AK5: variants seen among roughly 807,000 people sequenced by gnomAD.
AK5 encodes the protein adenylate kinase 5.
A neutral mutation model predicts 69.5 loss-of-function variants in AK5; 27 were observed. The ratio of observed to expected loss-of-function variants is 0.39; its 90% CI spans 0.29 to 0.54. AK5 has a LOEUF of 0.54. AK5 is among the 20% of genes least tolerant of loss of function. The probability of loss-of-function intolerance (pLI) is 0.71; values close to 1 mark genes in which losing one functional copy is unlikely to be tolerated. For synonymous variants in AK5, 260 were observed against 244.4 expected (o/e 1.06, Z -0.60); for missense variants, 531 against 700.4 (o/e 0.76, Z 2.73).
intron 8 of AK5, among the ~76,000 whole-genome samples, chr1:77,481,719 C>G (rs1396362457): frequency 1.3e-5 from 2 of 152,320 alleles, no homozygotes; most frequent in East Asian, 3.9e-4. Flanking sequence ...AATGGTACAA[C>G]CTCTGTGGGG....
chr1:77,341,680 A>G (rs1365605100), intron 6 of AK5, among the ~76,000 whole-genome samples: 2 of 152,178 alleles, frequency 1.3e-5, no homozygotes, highest in Non-Finnish European at 2.9e-5. Flanking sequence ...ATTTCTTTGC[A>G]ATCTTTTTAG....
At chr1:77,511,188 CTG>C (rs1657328035) in intron 10 of AK5, among the ~76,000 whole-genome samples, 1 of 152,072 alleles carries the variant, frequency 6.6e-6, no homozygotes, top group African/African-American at 2.4e-5. Context: ...CCAACAGTAA[CTG>C]CCTCATTTTA....
intron 6 of AK5, among the ~76,000 whole-genome samples, chr1:77,342,536 C>T (rs1166972594): frequency 3.9e-5 from 6 of 152,170 alleles, no homozygotes; most frequent in Non-Finnish European, 7.3e-5. Context: ...CTTCTAATTA[C>T]TGACAGAAAA....
chr1:77,348,573 G>A (rs1054014690), intron 6 of AK5, among the ~76,000 whole-genome samples: 1 of 152,088 alleles, frequency 6.6e-6, no homozygotes, highest in Non-Finnish European at 1.5e-5. Context: ...CTCTAGTTAA[G>A]GTCTGTGCTA....
intron 3 of AK5, among the ~76,000 whole-genome samples, chr1:77,296,270 G>A (rs2100659589): frequency 6.6e-6 from 1 of 152,166 alleles, no homozygotes; most frequent in South Asian, 2.1e-4. Context: ...TCTCTCTCAT[G>A]TTAACGTAAT....
intron 6 of AK5, among the ~76,000 whole-genome samples, chr1:77,380,554 A>G (rs1647558717): frequency 1.3e-5 from 2 of 152,200 alleles, no homozygotes; most frequent in African/African-American, 4.8e-5. Flanking sequence ...AACTGTGAAC[A>G]TATTTACTGA....
chr1:77,387,814 A>T (rs536529185), intron 6 of AK5, among the ~76,000 whole-genome samples: 1 of 152,234 alleles, frequency 6.6e-6, no homozygotes, highest in Non-Finnish European at 1.5e-5. Context: ...AGGACTTGGT[A>T]TCTGATTAGT....
intron 10 of AK5, among the ~76,000 whole-genome samples, chr1:77,517,609 G>C (rs1017303325): frequency 2.6e-5 from 4 of 152,030 alleles, no homozygotes; most frequent in Non-Finnish European, 5.9e-5. Flanking sequence ...ATAAAGGTCA[G>C]CTATTATTAT....
chr1:77,463,354 A>G (rs1051128178), intron 8 of AK5, among the ~76,000 whole-genome samples: 1 of 152,190 alleles, frequency 6.6e-6, no homozygotes, highest in Non-Finnish European at 1.5e-5. Flanking sequence ...GAAAATGTCA[A>G]CGTGTCAATT....
At chr1:77,481,991 T>C (rs1474190597) in intron 8 of AK5, among the ~76,000 whole-genome samples, 1 of 152,250 alleles carries the variant, frequency 6.6e-6, no homozygotes, top group African/African-American at 2.4e-5. Flanking sequence ...GAACATTCTG[T>C]ACTTATATGG....
intron 7 of AK5, among the ~76,000 whole-genome samples, chr1:77,415,091 G>A (rs961092126): frequency 2.6e-5 from 4 of 151,958 alleles, no homozygotes; most frequent in Non-Finnish European, 5.9e-5. Flanking sequence ...GCAACAGAGG[G>A]AGACTCTGTC....
intron 10 of AK5, among the ~76,000 whole-genome samples, chr1:77,517,685 A>G (rs1331250117): frequency 1.3e-5 from 2 of 152,228 alleles, no homozygotes; most frequent in African/African-American, 2.4e-5. Flanking sequence ...CTCAGAATTG[A>G]TAATAGCTAA....
chr1:77,540,030 A>T (rs1463830047), intron 13 of AK5, among the ~76,000 whole-genome samples: 1 of 152,214 alleles, frequency 6.6e-6, no homozygotes, highest in Non-Finnish European at 1.5e-5. Flanking sequence ...CACCGCCCTC[A>T]GGCCTCTACC....
chr1:77,478,611 AAAAC>A (rs1472755944), intron 8 of AK5, among the ~76,000 whole-genome samples: 1 of 152,240 alleles, frequency 6.6e-6, no homozygotes, highest in Non-Finnish European at 1.5e-5. Flanking sequence ...CAGCTGTATG[AAAAC>A]AAACTAACAC....
intron 5 of AK5, among the ~76,000 whole-genome samples, chr1:77,329,639 A>G (rs569417093): frequency 1.3e-5 from 2 of 152,338 alleles, no homozygotes; most frequent in Non-Finnish European, 2.9e-5. Context: ...TTTCAGAAAC[A>G]AAACCATTCC....
chr1:77,497,744 C>T (rs879258242), intron 10 of AK5, among the ~76,000 whole-genome samples: 7 of 152,054 alleles, frequency 4.6e-5, no homozygotes, highest in Non-Finnish European at 8.8e-5. Context: ...CGCACCACCA[C>T]GCCCGGCTTA....
intron 8 of AK5, among the ~76,000 whole-genome samples, chr1:77,433,854 AATTT>A (rs1303268840): frequency 5.3e-5 from 8 of 151,744 alleles, no homozygotes; most frequent in Non-Finnish European, 8.8e-5. Context: ...TAGTTTCATA[AATTT>A]ATTAGTTTCT....
At chr1:77,468,240 T>G (rs1654263322) in intron 8 of AK5, among the ~76,000 whole-genome samples, 1 of 152,252 alleles carries the variant, frequency 6.6e-6, no homozygotes, top group Non-Finnish European at 1.5e-5. Context: ...CTCTCTTTCC[T>G]TAACATTTAA....
intron 13 of AK5, among the ~76,000 whole-genome samples, chr1:77,557,821 C>T (rs970890994): frequency 6.6e-6 from 1 of 152,186 alleles, no homozygotes; most frequent in Non-Finnish European, 1.5e-5. Flanking sequence ...CTTAGCTTCA[C>T]TGCAGAATTG....
Sources: allele counts gnomAD v4.1 joint callset (sites outside exome capture counted in the v4.1 genomes callset), GRCh38; gene constraint gnomAD v4.1.1; transcripts MANE v1.5; gene names NCBI Gene and HGNC (gene_info 2026-07-23, HGNC 2026-07-21).